The following SH2D4B variants were observed in gnomAD, a reference collection of about 807,000 sequenced individuals.
The protein encoded by SH2D4B is SH2 domain containing 4B.
In SH2D4B, 45 loss-of-function variants were observed where a neutral mutation model predicts 61.5. That is an observed-to-expected ratio of 0.73 (90% CI 0.58 to 0.94). SH2D4B has a LOEUF of 0.94. Among genes scored for constraint, SH2D4B ranks in the 40% least tolerant of loss-of-function variants. SH2D4B has a pLI of 0.00. For synonymous variants in SH2D4B, 224 were observed against 220.4 expected, an observed-to-expected ratio of 1.02 and a Z score of -0.14; for missense variants, 572 against 574.2, an observed-to-expected ratio of 1.00 and a Z score of 0.04.
At chr10:80,605,165 C>CT (rs34324568) in intron 5 of SH2D4B, among the ~76,000 whole-genome samples, 51,287 of 149,244 alleles carry the variant, frequency 0.34, 8,920 homozygotes, top group East Asian at 0.61. Flanking sequence ...TATTCCTCCT[C>CT]TTTTTTTTTT....
At chr10:80,640,597 G>A (rs1244250650) in intron 7 of SH2D4B, among the ~76,000 whole-genome samples, 1 of 152,116 alleles carries the variant, frequency 6.6e-6, no homozygotes, top group African/African-American at 2.4e-5. Flanking sequence ...TGAAGCTTGT[G>A]CATGCATCAC....
At position 80,558,459 on chromosome 10, in the gene SH2D4B, C is replaced by A. The variant is rs551489054; in HGVS notation, c.185-11695C>A. 9.7e-4 allele frequency among the ~76,000 whole-genome samples: 147 copies of A among 151,822 alleles called. 1 individual carries two copies. Among genetic ancestry groups the A allele is most frequent in the African/African-American group, 3.3e-3 (136 of 41,230 alleles). On this transcript the variant is annotated intron_variant, in intron 1 of 7. Coordinates refer to ENST00000646907, the MANE Select transcript of SH2D4B (RefSeq NM_001388272.1). ...GCTTTATTGAGATGTTATTAATATG[C>A]CATATAATGATCATGCATTTATTTA...
intron 4 of SH2D4B, among the ~76,000 whole-genome samples, chr10:80,595,279 A>G (rs900153661): frequency 3.3e-5 from 5 of 152,150 alleles, no homozygotes; most frequent in African/African-American, 9.7e-5. Context: ...TCATCTCTCA[A>G]CCAGGTCTTC....
intron 1 of SH2D4B, among the ~76,000 whole-genome samples, chr10:80,544,782 C>T (rs763948423): frequency 5.3e-5 from 8 of 152,238 alleles, no homozygotes; most frequent in Non-Finnish European, 4.4e-5. Context: ...TTTGGACACA[C>T]GAGTTAGCTC....
chr10:80,578,369 G>A (rs78680144), intron 3 of SH2D4B, among the ~76,000 whole-genome samples: 8,230 of 152,012 alleles, frequency 0.054, 290 homozygotes, highest in Non-Finnish European at 0.085. Context: ...TTTGTTGTGG[G>A]GGAGGAGGGG....
chr10:80,641,564 A>T lies in SH2D4B; in HGVS notation c.1210-2429A>T, dbSNP rs75091046. The stretch of plus-strand genomic sequence containing the variant: ...ATTAGGAAACCAGGGCTAAGTTTTC[A>T]TGGTTAGGACCAAGAGTTAAGCCTC... On this transcript the variant is annotated intron_variant, in intron 7 of 7. Transcript: ENST00000646907. Among the ~76,000 whole-genome samples the T allele has an allele frequency of 3.7e-4, 57 of 152,392 alleles. 3 individuals are homozygous for T. The East Asian group carries it at 0.011, about 29-fold the overall frequency.
At chr10:80,550,733 A>G (rs1841749240) in intron 1 of SH2D4B, among the ~76,000 whole-genome samples, 1 of 152,196 alleles carries the variant, frequency 6.6e-6, no homozygotes, top group Non-Finnish European at 1.5e-5. Flanking sequence ...TGAATAAGGT[A>G]TTATTTCCAT....
intron 6 of SH2D4B, among the ~76,000 whole-genome samples, chr10:80,614,862 C>T (rs1417353876): frequency 2.0e-5 from 3 of 152,238 alleles, no homozygotes; most frequent in Admixed American, 6.5e-5. Flanking sequence ...TGTTCTCCAC[C>T]CTGTGACTGT....
chr10:80,551,052 A>T (rs533486587), intron 1 of SH2D4B, among the ~76,000 whole-genome samples: 4 of 152,244 alleles, frequency 2.6e-5, no homozygotes, highest in Admixed American at 6.5e-5. Context: ...CTTGATTTTT[A>T]TTTTATTTTA....
At chr10:80,612,646 G>A (rs1176480696) in intron 6 of SH2D4B, among the ~76,000 whole-genome samples, 3 of 152,178 alleles carry the variant, frequency 2.0e-5, no homozygotes, top group East Asian at 3.8e-4. Context: ...AGAGTCCTAT[G>A]TCAAAGGGTG....
chr10:80,630,469 T>G (rs116490577), intron 6 of SH2D4B, among the ~76,000 whole-genome samples: 1,782 of 152,186 alleles, frequency 0.012, 30 homozygotes, highest in African/African-American at 0.04. Flanking sequence ...AACCCAAATG[T>G]GGGATATCCA....
chr10:80,602,475 T>C (rs1424750932), intron 4 of SH2D4B, among the ~76,000 whole-genome samples: 16 of 152,078 alleles, frequency 1.1e-4, no homozygotes, highest in Non-Finnish European at 2.4e-4. Context: ...AAAATGAATA[T>C]ATACACATCT....
intron 1 of SH2D4B, among the ~76,000 whole-genome samples, chr10:80,548,269 A>T (rs1841707996): frequency 6.6e-6 from 1 of 152,130 alleles, no homozygotes; most frequent in Non-Finnish European, 1.5e-5. Context: ...GTTTCAAGCG[A>T]TTCTCCTGCC....
Position 80,600,876 on chromosome 10 carries a change from C to T in SH2D4B, c.644-2703C>T, listed in dbSNP as rs578070745. ...AGGGGCTGTAATCTTCCAAAAGTCA[C>T]GGTCCTTGTAGGGCACGAGCTTCTA... is the stretch of plus-strand genomic sequence containing the variant. On this transcript the variant is annotated intron_variant, in intron 4 of 7. Coordinates refer to ENST00000646907, the MANE Select transcript of SH2D4B (RefSeq NM_001388272.1). 1.3e-3 allele frequency among the ~76,000 whole-genome samples: 201 copies of T among 152,272 alleles called. 1 individual carries two copies. The highest frequency in any genetic ancestry group is 4.5e-3 in the African/African-American group (186 of 41,540).
chr10:80,598,307 G>C (rs1842409587), intron 4 of SH2D4B, among the ~76,000 whole-genome samples: 1 of 152,298 alleles, frequency 6.6e-6, no homozygotes, highest in Non-Finnish European at 1.5e-5. Context: ...ACAATGGGAC[G>C]GAAAGTTAAG....
Position 80,642,053 on chromosome 10 carries a change from G to A in SH2D4B, c.1210-1940G>A, listed in dbSNP as rs1182522084. 2.6e-5 allele frequency among the ~76,000 whole-genome samples: 4 copies of A among 152,252 alleles called. No homozygotes were observed. The East Asian group carries it at 7.7e-4, about 29-fold the overall frequency. ...CCTGAGCAGTAACATAAAAACTTAT[G>A]TATATAAGGAAATATATAGTTTTGT... On this transcript the variant is annotated intron_variant, in intron 7 of 7. Transcript: ENST00000646907.
At chr10:80,623,752 T>G (rs545299187) in intron 6 of SH2D4B, among the ~76,000 whole-genome samples, 24 of 152,344 alleles carry the variant, frequency 1.6e-4, no homozygotes, top group African/African-American at 5.8e-4. Flanking sequence ...TCATTTGTGT[T>G]TACTTAGCTC....
At chr10:80,562,887 ATTTT>A (rs1223682186) in intron 1 of SH2D4B, among the ~76,000 whole-genome samples, 1 of 122,150 alleles carries the variant, frequency 8.2e-6, no homozygotes, top group East Asian at 2.3e-4. Context: ...GATGCTGAAC[ATTTT>A]TTCTTTTTTT....
intron 1 of SH2D4B, among the ~76,000 whole-genome samples, chr10:80,546,462 G>T (rs1165974528): frequency 6.6e-6 from 1 of 151,616 alleles, no homozygotes; most frequent in East Asian, 1.9e-4. Flanking sequence ...TCCCACCACA[G>T]CCTTTTGATG....
Sources: allele counts gnomAD v4.1 joint callset (sites outside exome capture counted in the v4.1 genomes callset), GRCh38; gene constraint gnomAD v4.1.1; transcripts MANE v1.5; gene names NCBI Gene and HGNC (gene_info 2026-07-23, HGNC 2026-07-21).